CENPC: variants seen among roughly 807,000 people sequenced by gnomAD.
The protein encoded by CENPC is centromere protein C.
In CENPC, 63 loss-of-function variants were observed where a neutral mutation model predicts 112.1. That is an observed-to-expected ratio of 0.56 (90% CI 0.46 to 0.69). The LOEUF is 0.69. CENPC is among the 30% of genes least tolerant of loss of function. The probability of loss-of-function intolerance (pLI) is 0.00; values close to 1 mark genes in which losing one functional copy is unlikely to be tolerated. For synonymous variants in CENPC, 333 were observed against 367.6 expected, an observed-to-expected ratio of 0.91 and a Z score of 1.08; for missense variants, 1,000 against 1,103.8, an observed-to-expected ratio of 0.91 and a Z score of 1.33.
In CENPC at chr4:67,491,492, G is replaced by T. The variant is rs1469594977; in HGVS notation, c.2515+688C>A. ...ATATATATATATATAGAGAGAGAGAGAGAGAGAGAGAGAGAGAGAGAGAGA... is the reference window on the plus strand; with the variant it reads ...ATATATATATATATAGAGAGAGAGATAGAGAGAGAGAGAGAGAGAGAGAGA... On this transcript the variant is annotated intron_variant, in intron 16 of 18. Coordinates refer to ENST00000273853, the MANE Select transcript of CENPC (RefSeq NM_001812.4). Among the ~76,000 whole-genome samples the T allele has an allele frequency of 4.4e-4, 52 of 117,286 alleles. 1 individual carries two copies. Among genetic ancestry groups the T allele is most frequent in the Middle Eastern group, 8.6e-3 (2 of 232 alleles). The allele number at this position is 117,286 out of a possible 152,430, so 76.9% of individuals were successfully genotyped here. A position where few individuals can be genotyped will look rare whatever the true frequency, so the allele number is the denominator to read the frequency against.
chr4:67,493,767 CAAAATTT>C (rs1251778618), intron 14 of CENPC, 110 bp downstream of exon 14: 8 of 600,416 alleles, frequency 1.3e-5, no homozygotes, highest in Non-Finnish European at 8.7e-6. Context: ...ATCCTATTAT[CAAAATTT>C]GGGGGGGTGA....
intron 15 of CENPC, among the ~76,000 whole-genome samples, chr4:67,492,512 C>G (rs930617406): frequency 6.6e-6 from 1 of 152,254 alleles, no homozygotes; most frequent in Admixed American, 6.5e-5. Flanking sequence ...AACATGTAAA[C>G]TCTTGCATTA....
chr4:67,496,770 A>G (rs1725442226), intron 12 of CENPC, among the ~76,000 whole-genome samples: 3 of 152,128 alleles, frequency 2.0e-5, no homozygotes, highest in African/African-American at 4.8e-5. Flanking sequence ...GGGGGTTATG[A>G]AAAGGTTCTA....
intron 17 of CENPC, among the ~76,000 whole-genome samples, chr4:67,481,033 T>G (rs936692484): frequency 6.6e-6 from 1 of 152,170 alleles, no homozygotes; most frequent in Non-Finnish European, 1.5e-5. Flanking sequence ...TATGATCATA[T>G]AGCTAGAAAA....
intron 14 of CENPC, chr4:67,493,580 A>C (rs756287360): frequency 1.3e-5 from 3 of 239,866 alleles, no homozygotes; most frequent in Non-Finnish European, 2.4e-5. Context: ...AAAATGGTTA[A>C]TAGGAAAAAT....
intron 17 of CENPC, among the ~76,000 whole-genome samples, chr4:67,478,378 G>A (rs115393282): frequency 5.3e-5 from 8 of 151,932 alleles, no homozygotes; most frequent in Non-Finnish European, 1.0e-4. Context: ...AAGCTAGATG[G>A]GACTGAGGTC....
chr4:67,540,462 A>T lies in CENPC; in HGVS notation c.136+518T>A, dbSNP rs541763662. Reference sequence around the variant, plus strand: ...AGAGGGCAGATCACTGGAGGGCAGGAGTTCGAGACCAGACTAGCCAACATG... The same window carrying T: ...AGAGGGCAGATCACTGGAGGGCAGGTGTTCGAGACCAGACTAGCCAACATG... On this transcript the variant is annotated intron_variant, in intron 3 of 18. Transcript: ENST00000273853. 7.2e-5 allele frequency among the ~76,000 whole-genome samples: 11 copies of T among 152,298 alleles called. No homozygotes were observed. The South Asian group carries it at 2.3e-3, about 32-fold the overall frequency.
At chr4:67,501,516 G>A (rs1725589597) in intron 12 of CENPC, among the ~76,000 whole-genome samples, 1 of 152,032 alleles carries the variant, frequency 6.6e-6, no homozygotes, top group South Asian at 2.1e-4. Flanking sequence ...GGAAACTAAG[G>A]GACATGGCAG....
intron 1 of CENPC, 101 bp from the exon 2 acceptor site, chr4:67,544,296 A>C: frequency 1.5e-6 from 1 of 659,670 alleles, no homozygotes; most frequent in Non-Finnish European, 2.8e-6. Flanking sequence ...CTATACACCA[A>C]ACATCTCCTA....
At chr4:67,523,148 C>T (rs992322275) in intron 5 of CENPC, among the ~76,000 whole-genome samples, 7 of 151,938 alleles carry the variant, frequency 4.6e-5, no homozygotes, top group African/African-American at 1.7e-4. Flanking sequence ...CCCGTCTCTA[C>T]TAAAAACACA....
intron 11 of CENPC, among the ~76,000 whole-genome samples, 157 bp from the exon 12 acceptor site, chr4:67,505,441 C>T (rs1489368198): frequency 6.6e-6 from 1 of 152,168 alleles, no homozygotes; most frequent in Non-Finnish European, 1.5e-5. Context: ...AGTCATCCCT[C>T]AGTATTTGTG....
intron 14 of CENPC, chr4:67,493,631 C>T (rs372121824): frequency 6.4e-6 from 2 of 311,946 alleles, no homozygotes; most frequent in Non-Finnish European, 1.2e-5. Flanking sequence ...AATTTTCTCA[C>T]GTTCTAATCT....
intron 5 of CENPC, among the ~76,000 whole-genome samples, chr4:67,522,996 AT>A (rs1560438586): frequency 6.6e-6 from 1 of 151,700 alleles, no homozygotes; most frequent in Non-Finnish European, 1.5e-5. Context: ...GCAAAATTCC[AT>A]CTCAAAAAAA....
At chr4:67,497,803 TCCCAAAG>T (rs765281371) in intron 12 of CENPC, among the ~76,000 whole-genome samples, 1 of 21,358 alleles carries the variant, frequency 4.7e-5, no homozygotes, top group South Asian at 2.3e-3. Context: ...GTTGGGTGGC[TCCCAAAG>T]TGAGCCACCA....
chr4:67,519,538 AAAG>A (rs972747809), intron 5 of CENPC, 36 bp from the exon 6 acceptor site: 9 of 1,307,800 alleles, frequency 6.9e-6, no homozygotes, highest in South Asian at 1.9e-5. Context: ...TTGTCAATTA[AAAG>A]AATAATAAGA....
chr4:67,527,460 G>A (rs1726416388), intron 5 of CENPC, among the ~76,000 whole-genome samples: 1 of 144,608 alleles, frequency 6.9e-6, no homozygotes, highest in Non-Finnish European at 1.5e-5. Flanking sequence ...TGTTTTCTAA[G>A]AGCAGGAACA....
intron 12 of CENPC, among the ~76,000 whole-genome samples, chr4:67,499,755 C>T (rs1029284113): frequency 7.9e-5 from 12 of 152,132 alleles, no homozygotes; most frequent in African/African-American, 2.7e-4. Flanking sequence ...GTTTGGTGCC[C>T]GAGGCCTAGC....
At chr4:67,512,709 C>CA in intron 8 of CENPC, 140 bp from the exon 9 acceptor site, 1 of 591,466 alleles carries the variant, frequency 1.7e-6, no homozygotes, top group Non-Finnish European at 2.8e-6. Context: ...TTTTAAAAGT[C>CA]ACATGTTCTC....
chr4:67,518,107 T>C (rs564256783), intron 7 of CENPC, 49 bp downstream of exon 7: 151 of 1,034,074 alleles, frequency 1.5e-4, no homozygotes, highest in Admixed American at 1.2e-3. Context: ...ATATGGTTCA[T>C]AGAATATAAA....
Sources: gnomAD v4.1 joint callset for allele counts (sites outside exome capture counted in the v4.1 genomes callset) on GRCh38, gnomAD v4.1.1 for gene constraint, MANE v1.5 for transcripts, NCBI Gene and HGNC (gene_info 2026-07-23, HGNC 2026-07-21) for gene names.